The following B4GALT1 variants were observed in gnomAD, a reference collection of about 807,000 sequenced individuals.
The protein encoded by B4GALT1 is beta-1,4-galactosyltransferase 1.
In B4GALT1, 16 loss-of-function variants were observed where a neutral mutation model predicts 34.9. The ratio of observed to expected loss-of-function variants is 0.46; its 90% CI spans 0.31 to 0.70. The LOEUF is 0.70. B4GALT1 is among the 30% of genes least tolerant of loss of function. B4GALT1 has a pLI of 0.05. For missense variants in B4GALT1, 445 were observed against 530.5 expected (o/e 0.84, Z 1.58); for synonymous variants, 221 against 218.1 (o/e 1.01, Z -0.12).
downstream of B4GALT1, among the ~76,000 whole-genome samples, chr9:33,107,364 T>C (rs901930783): frequency 2.6e-5 from 4 of 152,138 alleles, no homozygotes; most frequent in Admixed American, 2.0e-4. Flanking sequence ...AGCCTGGATA[T>C]GTGGCAGAAA....
intron 1 of B4GALT1, among the ~76,000 whole-genome samples, chr9:33,140,869 G>A (rs1330576780): frequency 2.0e-5 from 3 of 152,238 alleles, no homozygotes; most frequent in Non-Finnish European, 2.9e-5. Flanking sequence ...GTGAAATCAC[G>A]GTGCCCCTTG....
chr9:33,182,511 G>T, the B4GALT1 span, among the ~76,000 whole-genome samples: 3 of 152,176 alleles, frequency 2.0e-5, no homozygotes, highest in African/African-American at 4.8e-5. Context: ...CTGGTATGCT[G>T]TATCAGACTC....
At chr9:33,158,955 G>A (rs1840637685) in intron 1 of B4GALT1, among the ~76,000 whole-genome samples, 1 of 152,152 alleles carries the variant, frequency 6.6e-6, no homozygotes, top group African/African-American at 2.4e-5. Context: ...CCTGACTTTG[G>A]TGTGAAGACT....
At chr9:33,109,271 C>CGTGGAGGTGTCTGGAGG (rs1839828261), downstream of B4GALT1, among the ~76,000 whole-genome samples, 2 of 152,178 alleles carry the variant, frequency 1.3e-5, no homozygotes, top group African/African-American at 4.8e-5. Context: ...TAGCTGAACA[C>CGTGGAGGTGTCTGGAGG]GTGGAGGTGT....
At chr9:33,147,031 C>G (rs949311066) in intron 1 of B4GALT1, among the ~76,000 whole-genome samples, 1 of 152,050 alleles carries the variant, frequency 6.6e-6, no homozygotes, top group African/African-American at 2.4e-5. Context: ...GAAGGCAACA[C>G]AGTAGGAAGG....
chr9:33,123,501 G>A (rs1311952117), intron 2 of B4GALT1, among the ~76,000 whole-genome samples: 5 of 151,914 alleles, frequency 3.3e-5, no homozygotes, highest in East Asian at 1.9e-4. Context: ...ATTCAGCCCC[G>A]TTGAGCACTT....
chr9:33,111,351 T>A lies in B4GALT1; in HGVS notation c.*2103A>T, dbSNP rs1323940944. 3 of 152,198 alleles carry A rather than the reference T, an allele frequency of 2.0e-5. No individual in the cohort carries two copies. Among genetic ancestry groups the A allele is most frequent in the African/African-American group, 7.3e-5 (3 of 41,278 alleles). The allele number at this position is 152,198 out of a possible 1,614,324, so 9.4% of individuals were successfully genotyped here. A position where few individuals can be genotyped will look rare whatever the true frequency, so the allele number is the denominator to read the frequency against. ...GTTACCACTCAGGGCATTTGTCTGA[T>A]TTCTTTTAAGGCACTTTGGAAAAGT... On this transcript the variant is annotated 3_prime_UTR_variant, in exon 6 of 6. Coordinates refer to ENST00000379731, the MANE Select transcript of B4GALT1 (RefSeq NM_001497.4).
intron 1 of B4GALT1, among the ~76,000 whole-genome samples, chr9:33,153,027 C>G (rs181639129): frequency 4.6e-5 from 7 of 152,178 alleles, no homozygotes; most frequent in Non-Finnish European, 8.8e-5. Context: ...GGCAAAGACT[C>G]CCATCTTGAA....
the B4GALT1 span, among the ~76,000 whole-genome samples, chr9:33,184,546 C>T: frequency 1.3e-5 from 2 of 152,292 alleles, no homozygotes; most frequent in East Asian, 1.9e-4. Context: ...AATTTTCAGT[C>T]TAATAGGAGA....
In B4GALT1 at chr9:33,166,903, G is replaced by T; in HGVS notation, c.267C>A (p.Gly89=). ...TGGARPPPPL[G]ASSQPRPGGD... ...CACCCGGGCGCGGCTGGGAGGAGGC[G>T]CCTAGAGGAGGCGGCGGCCGGGCCC... is the stretch of plus-strand genomic sequence containing the variant. Residue 89 remains glycine (G), a synonymous_variant, in exon 1 of 6, where the codon GGC becomes GGA. Coordinates refer to ENST00000379731, the MANE Select transcript of B4GALT1 (RefSeq NM_001497.4). The T allele has an allele frequency of 6.3e-7, 1 of 1,580,720 alleles. No homozygotes were observed. The highest frequency in any genetic ancestry group is 1.8e-5 in the Admixed American group (1 of 56,264).
chr9:33,107,882 G>T (rs1839811022), downstream of B4GALT1, among the ~76,000 whole-genome samples: 1 of 152,122 alleles, frequency 6.6e-6, no homozygotes, highest in Non-Finnish European at 1.5e-5. Flanking sequence ...CACTGTTGGT[G>T]AGGTCCTGGG....
Position 33,135,248 on chromosome 9 carries a change from A to G in B4GALT1, c.589T>C (p.Tyr197His), listed in dbSNP as rs1335753261. The change falls in exon 2 of 6, where the codon TAT becomes CAT. Residue 197 changes from tyrosine to histidine, a missense_variant. Tyr to His is a moderately conservative substitution (Grantham distance 83). Around this residue, in one of 3 missense-constraint regions of B4GALT1, gnomAD observed 349 missense variants for 395.5 expected, o/e 0.88. Transcript: ENST00000379731. Reference protein sequence around the residue: ...RQEHLKYWLYYLHPVLQRQQL... With the variant: ...RQEHLKYWLYHLHPVLQRQQL... ...TGGCGCTGCAGGACTGGGTGCAAAT[A>G]ATATAGCCAGTACTTGAGGTGCTCC... 1 of 1,614,182 alleles carries G rather than the reference A, an allele frequency of 6.2e-7. No homozygotes were observed. The highest frequency in any genetic ancestry group is 8.5e-7 in the Non-Finnish European group (1 of 1,180,028).
chr9:33,141,188 G>A (rs1840343915), intron 1 of B4GALT1, among the ~76,000 whole-genome samples: 1 of 152,114 alleles, frequency 6.6e-6, no homozygotes, highest in Non-Finnish European at 1.5e-5. Flanking sequence ...AGGGGAGTGG[G>A]CGGCAGGGTG....
downstream of B4GALT1, among the ~76,000 whole-genome samples, chr9:33,106,985 TATC>T (rs1166714489): frequency 6.6e-6 from 1 of 152,136 alleles, no homozygotes; most frequent in East Asian, 1.9e-4. Context: ...TACACCGTGA[TATC>T]ATTGTGCCCT....
chr9:33,149,732 A>G (rs570161281), intron 1 of B4GALT1, among the ~76,000 whole-genome samples: 2 of 152,352 alleles, frequency 1.3e-5, no homozygotes, highest in Non-Finnish European at 2.9e-5. Context: ...AGAAGAACTC[A>G]GCATCATTTC....
At chr9:33,182,174 C>G in the B4GALT1 span, among the ~76,000 whole-genome samples, 1 of 152,156 alleles carries the variant, frequency 6.6e-6, no homozygotes, top group Non-Finnish European at 1.5e-5. Context: ...TCGCAGCCAT[C>G]CTTGGCATTC....
chr9:33,110,184 A>T (rs564921680), downstream of B4GALT1, among the ~76,000 whole-genome samples: 41 of 152,340 alleles, frequency 2.7e-4, no homozygotes, highest in South Asian at 2.1e-3. Context: ...CTGGGTAAAA[A>T]CTAAGACCTT....
upstream of B4GALT1, chr9:33,167,485 A>T: frequency 3.0e-5 from 4 of 132,620 alleles, no homozygotes; most frequent in South Asian, 2.7e-4. Context: ...GGGCCTCGGG[A>T]GGGTGGGCAG....
chr9:33,178,067 C>T, the B4GALT1 span, among the ~76,000 whole-genome samples: 2 of 148,782 alleles, frequency 1.3e-5, no homozygotes, highest in Non-Finnish European at 3.0e-5. Flanking sequence ...TCTTGGCTCA[C>T]TGCAACCTCC....
Sources: gnomAD v4.1 joint callset for allele counts (sites outside exome capture counted in the v4.1 genomes callset) on GRCh38, gnomAD v4.1.1 for gene constraint, gnomAD v4.1.1 regional missense constraint, MANE v1.5 for transcripts, NCBI Gene and HGNC (gene_info 2026-07-23, HGNC 2026-07-21) for gene names.